The following RAN variants were observed in gnomAD, a reference collection of about 807,000 sequenced individuals.
RAN encodes the protein RAN, member RAS oncogene family.
A neutral mutation model predicts 26.8 loss-of-function variants in RAN; 2 were observed. The ratio of observed to expected loss-of-function variants is 0.07; its 90% confidence interval spans 0.03 to 0.23. The LOEUF (loss-of-function observed/expected upper bound fraction) is 0.23. RAN is among the 10% of genes least tolerant of loss of function. The pLI is 1.00. For missense variants in RAN, 56 were observed against 264.8 expected (o/e 0.21, Z 5.47); for synonymous variants, 132 against 95.9 (o/e 1.38, Z -2.20).
At chr12:130,873,305 G>T in intron 4 of RAN, 177 bp downstream of exon 4, 1 of 758,224 alleles carries the variant, frequency 1.3e-6, no homozygotes, top group Non-Finnish European at 2.1e-6. Flanking sequence ...TATTAAAGTT[G>T]TGTCATTTGC....
At chr12:130,873,895 A>G in intron 4 of RAN, 1 of 177,272 alleles carries the variant, frequency 5.6e-6, no homozygotes, top group South Asian at 8.8e-5. Flanking sequence ...TTTTTGAGAC[A>G]GGGTTTCGCT....
rs768147630 is a variant in RAN, at chr12:130,872,143, G to T, written c.-11+17G>T. On this transcript the variant is annotated intron_variant, in intron 1 of 6. Coordinates refer to ENST00000543796, the MANE Select transcript of RAN (RefSeq NM_006325.5). Reference sequence around the variant, plus strand: ...TTCTGGAAGGTATCGCGACCCGGCGGGCCCGGCACGGCCGGGCGGGGACAG... The same window carrying T: ...TTCTGGAAGGTATCGCGACCCGGCGTGCCCGGCACGGCCGGGCGGGGACAG... The T allele has an allele frequency of 4.6e-6, 1 of 218,712 alleles. No individual in the cohort carries two copies. 13.5% of individuals were successfully genotyped at this position (218,712 alleles called of 1,614,324 possible).
chr12:130,877,519 T>A lies in RAN; in HGVS notation c.*1593T>A, dbSNP rs1360878913. Reference sequence around the variant, plus strand: ...GGTGTATGTGTTGTTTGTAACCTTGTGGAGATTGCAAGTGGTGTTGACATT... The same window carrying A: ...GGTGTATGTGTTGTTTGTAACCTTGAGGAGATTGCAAGTGGTGTTGACATT... On this transcript the variant is annotated 3_prime_UTR_variant, in exon 7 of 7. Coordinates refer to ENST00000543796, the MANE Select transcript of RAN (RefSeq NM_006325.5). 11 of 152,250 alleles carry A rather than the reference T, an allele frequency of 7.2e-5. No homozygotes were observed. The highest frequency in any genetic ancestry group is 7.2e-4 in the Admixed American group (11 of 15,280). The allele number at this position is 152,250 out of a possible 1,614,324, so 9.4% of individuals were successfully genotyped here. A position where few individuals can be genotyped will look rare whatever the true frequency, so the allele number is the denominator to read the frequency against.
At position 130,876,782 on chromosome 12, in the gene RAN, T is replaced by A. The variant is rs1366269809; in HGVS notation, c.*856T>A. On this transcript the variant is annotated 3_prime_UTR_variant, in exon 7 of 7. Transcript: ENST00000543796. ...ATTACAAATTTTGCACTTTTTTGTTTGAATGTTAGATGCTTAGTGTGAAGT... is the reference window on the plus strand; with the variant it reads ...ATTACAAATTTTGCACTTTTTTGTTAGAATGTTAGATGCTTAGTGTGAAGT... The A allele has an allele frequency of 6.6e-6, 1 of 152,254 alleles. No homozygotes were observed. Among genetic ancestry groups the A allele is most frequent in the Non-Finnish European group, 1.5e-5 (1 of 68,044 alleles). 9.4% of individuals were successfully genotyped at this position (152,254 alleles called of 1,614,324 possible).
intron 4 of RAN, 184 bp downstream of exon 4, chr12:130,873,312 T>A: frequency 1.4e-6 from 1 of 694,316 alleles, no homozygotes; most frequent in South Asian, 1.9e-5. Flanking sequence ...GTTGTGTCAT[T>A]TGCATGCTGT....
chr12:130,872,781 G>A (rs147812455), intron 2 of RAN, 55 bp from the exon 3 acceptor site: 2 of 1,598,986 alleles, frequency 1.3e-6, no homozygotes, highest in East Asian at 2.2e-5. Context: ...CGTGACTCTG[G>A]GATCTTGAGA....
chr12:130,877,088 C>A lies in RAN; in HGVS notation c.*1162C>A, dbSNP rs1157013399. ...TTAACTAAGCATTTAATTTATCTTG[C>A]ATATTTTCCACATTTAAAAATGAAT... On this transcript the variant is annotated 3_prime_UTR_variant, in exon 7 of 7. Coordinates refer to ENST00000543796, the MANE Select transcript of RAN (RefSeq NM_006325.5). 6.6e-6 allele frequency: 1 copy of A among 151,102 alleles called. No homozygotes were observed. Among genetic ancestry groups the A allele is most frequent in the African/African-American group, 2.4e-5 (1 of 41,032 alleles). The allele number at this position is 151,102 out of a possible 1,614,324, so 9.4% of individuals were successfully genotyped here.
In RAN at chr12:130,877,431, G is replaced by A. The variant is rs1953268844; in HGVS notation, c.*1505G>A. 6.6e-6 allele frequency: 1 copy of A among 152,214 alleles called. No homozygotes were observed. Among genetic ancestry groups the A allele is most frequent in the South Asian group, 2.1e-4 (1 of 4,826 alleles). 9.4% of individuals were successfully genotyped at this position (152,214 alleles called of 1,614,324 possible). A position where few individuals can be genotyped will look rare whatever the true frequency, so the allele number is the denominator to read the frequency against. ...CAGAACCAGTTTCTAACCAGCCTGT[G>A]AGATGGGAAGTTTTTTCCCCATAAT... On this transcript the variant is annotated 3_prime_UTR_variant, in exon 7 of 7. Transcript: ENST00000543796.
In RAN at chr12:130,876,472, G is replaced by A. The variant is rs1017409080; in HGVS notation, c.*546G>A. ...ACAAACTGATGATGACAGGTCAGCAGTATTCTATTTGGTTAGAAGGGTTAC... is the reference window on the plus strand; with the variant it reads ...ACAAACTGATGATGACAGGTCAGCAATATTCTATTTGGTTAGAAGGGTTAC... On this transcript the variant is annotated 3_prime_UTR_variant, in exon 7 of 7. Transcript: ENST00000543796. 1 of 156,948 alleles carries A rather than the reference G, an allele frequency of 6.4e-6. No homozygotes were observed. Among genetic ancestry groups the A allele is most frequent in the African/African-American group, 2.4e-5 (1 of 41,448 alleles). 9.7% of individuals were successfully genotyped at this position (156,948 alleles called of 1,614,324 possible). A position where few individuals can be genotyped will look rare whatever the true frequency, so the allele number is the denominator to read the frequency against.
intron 5 of RAN, 136 bp downstream of exon 5, chr12:130,874,869 C>T (rs1330995455): frequency 3.9e-6 from 3 of 778,892 alleles, no homozygotes; most frequent in African/African-American, 3.6e-5. Flanking sequence ...GTCCCCCATG[C>T]TGGAGTGCAG....
intron 4 of RAN, chr12:130,873,333 G>T: frequency 1.7e-6 from 1 of 576,514 alleles, no homozygotes; most frequent in Non-Finnish European, 3.0e-6. Flanking sequence ...GTCATGCTAG[G>T]CATGCTTTAG....
intron 4 of RAN, 76 bp downstream of exon 4, chr12:130,873,204 G>T: frequency 6.3e-7 from 1 of 1,577,910 alleles, no homozygotes; most frequent in Non-Finnish European, 8.7e-7. Context: ...AGAAAATCAG[G>T]TCTGTTCCAA....
rs530533191 is a variant in RAN at position 130,873,498 on chromosome 12, C to G, written c.247+370C>G. Reference sequence around the variant, plus strand: ...TACTGTATTAGAAAACAATAAACACCAGATACTAGACCAGAGGAGATAGGA... The same window carrying G: ...TACTGTATTAGAAAACAATAAACACGAGATACTAGACCAGAGGAGATAGGA... On this transcript the variant is annotated intron_variant, in intron 4 of 6. Transcript: ENST00000543796. 38 of 241,422 alleles carry G rather than the reference C, an allele frequency of 1.6e-4. No individual in the cohort carries two copies. The South Asian group carries it at 1.8e-3, about 12-fold the overall frequency. 15.0% of individuals were successfully genotyped at this position (241,422 alleles called of 1,614,324 possible).
Position 130,876,652 on chromosome 12 carries a change from A to C in RAN, c.*726A>C, listed in dbSNP as rs1042404663. On this transcript the variant is annotated 3_prime_UTR_variant, in exon 7 of 7. Transcript: ENST00000543796. ...ATATCAAATAGATATTTTAAGGGTA[A>C]TATTTTCTTTTATGGCAAAAGTAAT... 1.3e-5 allele frequency: 2 copies of C among 152,218 alleles called. No homozygotes were observed. The highest frequency in any genetic ancestry group is 4.8e-5 in the African/African-American group (2 of 41,462). 9.4% of individuals were successfully genotyped at this position (152,218 alleles called of 1,614,324 possible). A position where few individuals can be genotyped will look rare whatever the true frequency, so the allele number is the denominator to read the frequency against.
intron 1 of RAN, 152 bp from the exon 2 acceptor site, chr12:130,872,432 C>T: frequency 7.5e-6 from 2 of 268,358 alleles, no homozygotes; most frequent in Non-Finnish European, 1.2e-5. Context: ...CGGCCCCGCC[C>T]GCCGCCTTCC....
At chr12:130,872,681 G>T (rs756107728) in intron 2 of RAN, 52 bp downstream of exon 2, 1 of 1,529,986 alleles carries the variant, frequency 6.5e-7, no homozygotes, top group Non-Finnish European at 8.8e-7. Context: ...CGTGCGACTC[G>T]CGGGTCCCTC....
chr12:130,875,662 C>G lies in RAN; in HGVS notation c.486C>G (p.Leu162=), dbSNP rs770754168. The stretch of plus-strand genomic sequence containing the variant: ...ACTACAACTTTGAAAAGCCCTTCCT[C>G]TGGCTTGCTAGGAAGCTCATTGGAG... ...KSNYNFEKPF[L]WLARKLIGDP... The change falls in exon 6 of 7, where the codon CTC becomes CTG. Residue 162 remains leucine (L), a synonymous_variant. Transcript: ENST00000543796. The G allele has an allele frequency of 3.1e-6, 5 of 1,613,130 alleles. No individual in the cohort carries two copies. The South Asian group carries it at 4.4e-5, about 14-fold the overall frequency.
At position 130,872,601 on chromosome 12, in the gene RAN, C is replaced by A. The variant is rs774375576; in HGVS notation, c.8C>A (p.Ala3Glu). ...CTCCGCAGGAACGCCGCGATGGCTG[C>A]GCAGGGAGAGCCCCAGGTCCAGTTC... MA[A>E]QGEPQVQFKL... Residue 3 changes from alanine to glutamate, a missense_variant, in exon 2 of 7, where the codon GCG (alanine) becomes GAG (glutamate). Physicochemically the swap from Ala to Glu is moderately radical, Grantham distance 107. Transcript: ENST00000543796. The A allele has an allele frequency of 6.6e-7, 1 of 1,523,802 alleles. No homozygotes were observed. Among genetic ancestry groups the A allele is most frequent in the Admixed American group, 2.4e-5 (1 of 42,046 alleles). 94.4% of individuals were successfully genotyped at this position (1,523,802 alleles called of 1,614,324 possible).
intron 5 of RAN, 150 bp downstream of exon 5, chr12:130,874,883 C>T (rs1953209237): frequency 1.3e-5 from 9 of 713,306 alleles, no homozygotes; most frequent in Admixed American, 6.7e-5. Context: ...AGTGCAGTGT[C>T]GCAATCTTGG....
Sources: gnomAD v4.1 joint callset for allele counts on GRCh38, gnomAD v4.1.1 for gene constraint, MANE v1.5 for transcripts, NCBI Gene and HGNC (gene_info 2026-07-23, HGNC 2026-07-21) for gene names.